Variants in HTRA3 observed in about 807,000 individuals in gnomAD.
The protein encoded by HTRA3 is HtrA serine peptidase 3.
A neutral mutation model predicts 43.2 loss-of-function variants in HTRA3; 41 were observed. That is an observed-to-expected ratio of 0.95 (90% CI 0.74 to 1.23). The LOEUF is 1.23. HTRA3 is among the 50% of genes most tolerant of loss of function. The probability of loss-of-function intolerance (pLI) is 0.00; values close to 1 mark genes in which losing one functional copy is unlikely to be tolerated. For synonymous variants in HTRA3, 295 were observed against 287.9 expected, an observed-to-expected ratio of 1.02 and a Z score of -0.25; for missense variants, 628 against 647.1, an observed-to-expected ratio of 0.97 and a Z score of 0.32.
At chr4:8,301,285 GTCACACTCATCTTTATTATTGAT>G (rs1560143583) in intron 6 of HTRA3, among the ~76,000 whole-genome samples, 1,736 of 133,812 alleles carry the variant, frequency 0.013, 26 homozygotes, top group African/African-American at 0.048. Context: ...TTATTATTGA[GTCACACTCATCTTTATTATTGAT>G]TCACACTCAT....
rs1713434488 is a variant in HTRA3 at position 8,295,848 on chromosome 4, T to C, written c.1051+1647T>C. Reference sequence around the variant, plus strand: ...GAGCTGCTGTTGAGGATGCCGCCATTGTTCTTCTGTGTCCATTATGGGAAG... The same window carrying C: ...GAGCTGCTGTTGAGGATGCCGCCATCGTTCTTCTGTGTCCATTATGGGAAG... On this transcript the variant is annotated intron_variant, in intron 6 of 8. Coordinates refer to ENST00000307358, the MANE Select transcript of HTRA3 (RefSeq NM_053044.5). The surrounding 1 kb of genome is among the most constrained non-coding windows in gnomAD (Gnocchi z 6.9). The C allele has an allele frequency of 1.1e-5, 14 of 1,237,304 alleles. No individual in the cohort carries two copies. In the South Asian group the frequency reaches 4.3e-4, roughly 38 times the overall value. 76.6% of individuals were successfully genotyped at this position (1,237,304 alleles called of 1,614,324 possible).
intron 1 of HTRA3, among the ~76,000 whole-genome samples, chr4:8,278,565 G>A (rs781293997): frequency 2.0e-4 from 30 of 152,154 alleles, no homozygotes; most frequent in Non-Finnish European, 3.4e-4. Flanking sequence ...AGTGGGAACC[G>A]CGTCCTCCCT....
intron 6 of HTRA3, among the ~76,000 whole-genome samples, chr4:8,300,067 T>A (rs1176123387): frequency 2.6e-5 from 4 of 152,224 alleles, no homozygotes; most frequent in African/African-American, 7.2e-5. Context: ...CTCAGACTCC[T>A]GACTTCAGGT....
At chr4:8,281,714 GC>G (rs2153004647) in intron 1 of HTRA3, among the ~76,000 whole-genome samples, 1 of 152,346 alleles carries the variant, frequency 6.6e-6, no homozygotes, top group African/African-American at 2.4e-5. Context: ...GCCACTGCAT[GC>G]CTCAGGCCTG....
chr4:8,270,203 G>T lies in HTRA3; in HGVS notation c.235G>T (p.Gly79Cys). The T allele has an allele frequency of 6.5e-7, 1 of 1,538,498 alleles. No individual in the cohort carries two copies. The highest frequency in any genetic ancestry group is 8.7e-7 in the Non-Finnish European group (1 of 1,154,506). ...PCGESLECVR[G>C]LCRCRWSHAV... ...CGGCGAGAGCCTGGAGTGCGTGCGC[G>T]GCCTATGCCGCTGCCGCTGGTCGCA... Residue 79 changes from glycine (G) to cysteine (C), a missense_variant, in exon 1 of 9, where the codon GGC becomes TGC. By Grantham distance (159) the Gly-to-Cys change is radical. Coordinates refer to ENST00000307358, the MANE Select transcript of HTRA3 (RefSeq NM_053044.5).
chr4:8,282,202 G>A (rs541011103), intron 1 of HTRA3, among the ~76,000 whole-genome samples: 186 of 152,282 alleles, frequency 1.2e-3, no homozygotes, highest in African/African-American at 4.3e-3. Flanking sequence ...AGCCCAGCAC[G>A]TGGAAGCCTT....
At chr4:8,298,827 GCTGT>G (rs1287986370) in intron 6 of HTRA3, among the ~76,000 whole-genome samples, 1 of 152,212 alleles carries the variant, frequency 6.6e-6, no homozygotes, top group Admixed American at 6.5e-5. Flanking sequence ...TGCCATTCCA[GCTGT>G]CTGTGTTTAG....
Position 8,292,362 on chromosome 4 carries a change from C to A in HTRA3, c.936+9C>A. On this transcript the variant is annotated intron_variant, in intron 5 of 8. Coordinates refer to ENST00000307358, the MANE Select transcript of HTRA3 (RefSeq NM_053044.5). ...GACCACTGGTGAACCTGGTAAGTGT[C>A]CCCTAGAGCCAAAATCTCTCAGGTT... The A allele has an allele frequency of 1.2e-6, 2 of 1,611,858 alleles. No individual in the cohort carries two copies. The highest frequency in any genetic ancestry group is 1.7e-6 in the Non-Finnish European group (2 of 1,178,544).
chr4:8,282,235 G>A (rs548012513), intron 1 of HTRA3, among the ~76,000 whole-genome samples: 5 of 152,260 alleles, frequency 3.3e-5, no homozygotes, highest in Admixed American at 2.0e-4. Flanking sequence ...CGGGGTGAGC[G>A]AGCCCCTTCC....
intron 1 of HTRA3, among the ~76,000 whole-genome samples, chr4:8,281,485 G>A (rs1164121419): frequency 2.0e-5 from 3 of 152,228 alleles, no homozygotes; most frequent in Non-Finnish European, 2.9e-5. Flanking sequence ...CAGATGAGGA[G>A]TTGAGGCCCA....
intron 6 of HTRA3, among the ~76,000 whole-genome samples, chr4:8,301,951 C>T (rs1384470999): frequency 1.3e-5 from 2 of 152,172 alleles, no homozygotes; most frequent in African/African-American, 4.8e-5. Context: ...ATTGGAGCAG[C>T]TTGGGGGATG....
At position 8,306,677 on chromosome 4, in the gene HTRA3, G is replaced by A. The variant is rs538513963; in HGVS notation, c.*541G>A. The A allele has an allele frequency of 1.8e-3, 269 of 151,994 alleles. 1 individual carries two copies. Among genetic ancestry groups the A allele is most frequent in the Non-Finnish European group, 2.2e-3 (154 of 68,816 alleles). The allele number at this position is 151,994 out of a possible 1,614,324, so 9.4% of individuals were successfully genotyped here. A position where few individuals can be genotyped will look rare whatever the true frequency, so the allele number is the denominator to read the frequency against. The stretch of plus-strand genomic sequence containing the variant: ...TGATCCCTTTGGGGTGCGGGGGTGG[G>A]GTCCAGCCCAGAGCAGGCACTGAGT... On this transcript the variant is annotated 3_prime_UTR_variant, in exon 9 of 9. Coordinates refer to ENST00000307358, the MANE Select transcript of HTRA3 (RefSeq NM_053044.5). This position sits in a 1 kb window ranked among gnomAD's most constrained non-coding sequence, Gnocchi z 8.9.
intron 6 of HTRA3, among the ~76,000 whole-genome samples, chr4:8,294,965 TCCATCCATTTAC>T (rs1213582495): frequency 6.6e-6 from 1 of 150,784 alleles, no homozygotes; most frequent in African/African-American, 2.4e-5. Context: ...CCATCCATCA[TCCATCCATTTAC>T]CCATCCATCC....
intron 4 of HTRA3, 137 bp from the exon 5 acceptor site, chr4:8,292,184 A>G: frequency 1.4e-6 from 1 of 700,038 alleles, no homozygotes; most frequent in South Asian, 1.8e-5. Flanking sequence ...TGGGGGCAGC[A>G]CTGAGGCCTT....
intron 7 of HTRA3, among the ~76,000 whole-genome samples, chr4:8,303,350 A>G (rs1713729124): frequency 6.6e-6 from 1 of 151,638 alleles, no homozygotes; most frequent in African/African-American, 2.4e-5. Flanking sequence ...TTATTCCTCC[A>G]CTCTGCCCCA....
Position 8,296,110 on chromosome 4 carries a change from G to A in HTRA3, c.1051+1909G>A. ...TGCCTTTGACTTTGGCCTCCTTACT[G>A]GAAATTAGCGGAGCTGCTGTTTGCA... On this transcript the variant is annotated intron_variant, in intron 6 of 8. Coordinates refer to ENST00000307358, the MANE Select transcript of HTRA3 (RefSeq NM_053044.5). The surrounding 1 kb of genome is among the most constrained non-coding windows in gnomAD (Gnocchi z 5.3). 9.9e-7 allele frequency: 1 copy of A among 1,008,412 alleles called. No individual in the cohort carries two copies. The highest frequency in any genetic ancestry group is 1.7e-5 in the African/African-American group (1 of 58,352). The allele number at this position is 1,008,412 out of a possible 1,614,324, so 62.5% of individuals were successfully genotyped here.
At chr4:8,291,659 GAGCCATTCTGGCACTCGACACATCC>G (rs1713248553) in intron 4 of HTRA3, 95 bp downstream of exon 4, 1 of 874,574 alleles carries the variant, frequency 1.1e-6, no homozygotes, top group African/African-American at 1.7e-5. Flanking sequence ...CCCCTCCCCA[GAGCCATTCTGGCACTCGACACATCC>G]ACTTGCTAGA....
chr4:8,300,664 G>T (rs1243088664), intron 6 of HTRA3, among the ~76,000 whole-genome samples: 1 of 152,098 alleles, frequency 6.6e-6, no homozygotes, highest in African/African-American at 2.4e-5. Flanking sequence ...TGATCTTAAA[G>T]AATCAGCTTT....
Position 8,296,387 on chromosome 4 carries a change from G to C in HTRA3, c.1051+2186G>C, listed in dbSNP as rs1713458070. ...GAGCCTGATAAACCTTAGCTGCATG[G>C]CACACTTGCAATTTTAAAATCCTTC... On this transcript the variant is annotated intron_variant, in intron 6 of 8. Coordinates refer to ENST00000307358, the MANE Select transcript of HTRA3 (RefSeq NM_053044.5). The surrounding 1 kb of genome is among the most constrained non-coding windows in gnomAD (Gnocchi z 5.3). 1 of 985,318 alleles carries C rather than the reference G, an allele frequency of 1.0e-6. No individual in the cohort carries two copies. The highest frequency in any genetic ancestry group is 1.1e-4 in the East Asian group (1 of 8,824). The allele number at this position is 985,318 out of a possible 1,614,324, so 61.0% of individuals were successfully genotyped here. A position where few individuals can be genotyped will look rare whatever the true frequency, so the allele number is the denominator to read the frequency against.
Sources: allele counts gnomAD v4.1 joint callset (sites outside exome capture counted in the v4.1 genomes callset), GRCh38; gene constraint gnomAD v4.1.1; non-coding constraint Gnocchi (gnomAD v3.1); transcripts MANE v1.5; gene names NCBI Gene and HGNC (gene_info 2026-07-23, HGNC 2026-07-21).